SLC4A1AP: variants seen among roughly 807,000 people sequenced by gnomAD.
SLC4A1AP encodes the protein kanadaptin.
In SLC4A1AP, 64 loss-of-function variants were observed where a neutral mutation model predicts 89.7. The ratio of observed to expected loss-of-function variants is 0.71; its 90% confidence interval spans 0.58 to 0.88. SLC4A1AP has a LOEUF of 0.88. Ranked by LOEUF, SLC4A1AP falls within the 40% of genes least tolerant of loss-of-function variation. SLC4A1AP has a pLI of 0.00. For missense variants in SLC4A1AP, 931 were observed against 965.0 expected, an observed-to-expected ratio of 0.96 and a Z score of 0.47; for synonymous variants, 366 against 353.3, an observed-to-expected ratio of 1.04 and a Z score of -0.40.
intron 4 of SLC4A1AP, 61 bp downstream of exon 4, chr2:27,668,964 T>C (rs1265686003): frequency 4.1e-6 from 6 of 1,451,574 alleles, no homozygotes; most frequent in Non-Finnish European, 9.6e-7. Flanking sequence ...GTTTAATGTA[T>C]GGTTATAGAT....
At chr2:27,676,226 A>G (rs894442424) in intron 6 of SLC4A1AP, among the ~76,000 whole-genome samples, 2 of 152,244 alleles carry the variant, frequency 1.3e-5, no homozygotes, top group Admixed American at 1.3e-4. Context: ...AATATGGAGA[A>G]GTAGACTCTC....
At chr2:27,665,503 T>A (rs535560689) in intron 2 of SLC4A1AP, among the ~76,000 whole-genome samples, 4 of 152,326 alleles carry the variant, frequency 2.6e-5, no homozygotes, top group Admixed American at 1.3e-4. Context: ...TTGGATTTTT[T>A]AAAAATTTAT....
intron 10 of SLC4A1AP, among the ~76,000 whole-genome samples, chr2:27,686,129 G>A (rs1675702038): frequency 6.6e-6 from 1 of 152,164 alleles, no homozygotes. Context: ...GAATGTATGG[G>A]AATGCATGCA....
chr2:27,683,223 T>C (rs1675648634), intron 9 of SLC4A1AP, among the ~76,000 whole-genome samples: 1 of 152,236 alleles, frequency 6.6e-6, no homozygotes, highest in South Asian at 2.1e-4. Flanking sequence ...ATGATTTCCC[T>C]GCTACCCTAC....
intron 10 of SLC4A1AP, among the ~76,000 whole-genome samples, chr2:27,685,958 C>A (rs1264699044): frequency 6.6e-6 from 1 of 152,078 alleles, no homozygotes; most frequent in Non-Finnish European, 1.5e-5. Flanking sequence ...AAAAAGAAAT[C>A]CCCACAACCC....
intron 6 of SLC4A1AP, among the ~76,000 whole-genome samples, chr2:27,676,379 A>T (rs1413725254): frequency 6.6e-6 from 1 of 152,352 alleles, no homozygotes; most frequent in Admixed American, 6.5e-5. Flanking sequence ...AGCTTAAAAC[A>T]TTACCCAACA....
intron 10 of SLC4A1AP, 78 bp from the exon 11 acceptor site, chr2:27,687,856 C>T (rs1326471449): frequency 3.7e-6 from 4 of 1,076,796 alleles, no homozygotes; most frequent in East Asian, 5.1e-5. Flanking sequence ...TTCTCTTTCT[C>T]TTGTTTTTGT....
chr2:27,664,391 G>A (rs765677959), exon 1 of SLC4A1AP: 1 of 1,614,240 alleles, frequency 6.2e-7, no homozygotes, highest in Non-Finnish European at 8.5e-7. Flanking sequence ...ACGCAGTGCT[G>A]CAGCACAGGG....
intron 3 of SLC4A1AP, 97 bp from the exon 4 acceptor site, chr2:27,668,746 A>G: frequency 8.7e-7 from 1 of 1,154,424 alleles, no homozygotes; most frequent in Non-Finnish European, 1.3e-6. Flanking sequence ...CACTGCTAGG[A>G]ACTTGTTCGT....
chr2:27,667,212 T>C, intron 2 of SLC4A1AP, 56 bp from the exon 3 acceptor site: 1 of 1,559,950 alleles, frequency 6.4e-7, no homozygotes, highest in Admixed American at 1.9e-5. Flanking sequence ...TGGGTATCAT[T>C]CAAATAGTCT....
At chr2:27,680,119 C>T (rs970551252) in intron 8 of SLC4A1AP, among the ~76,000 whole-genome samples, 2 of 152,100 alleles carry the variant, frequency 1.3e-5, no homozygotes, top group Non-Finnish European at 2.9e-5. Context: ...CCTTTAGCAG[C>T]CGATGTCTGC....
intron 6 of SLC4A1AP, 55 bp downstream of exon 6, chr2:27,675,747 CATA>C: frequency 8.6e-7 from 1 of 1,156,480 alleles, no homozygotes. Flanking sequence ...TTTTTAATAA[CATA>C]ATGTATTATT....
rs796261301 is a variant in SLC4A1AP at position 27,677,989 on chromosome 2, C to T, written c.1763+65C>T. On this transcript the variant is annotated intron_variant, in intron 8 of 13. Coordinates refer to ENST00000613058, the Ensembl canonical transcript of SLC4A1AP. Reference sequence around the variant, plus strand: ...TAGCATAGATAACATTTTCAATTATCGCTTTATCTTCTTAAATAATCATTA... The same window carrying T: ...TAGCATAGATAACATTTTCAATTATTGCTTTATCTTCTTAAATAATCATTA... The T allele has an allele frequency of 2.4e-5, 25 of 1,046,238 alleles. No individual in the cohort carries two copies. The East Asian group carries it at 2.9e-4, about 12-fold the overall frequency. 64.8% of individuals were successfully genotyped at this position (1,046,238 alleles called of 1,614,324 possible). A position where few individuals can be genotyped will look rare whatever the true frequency, so the allele number is the denominator to read the frequency against.
chr2:27,689,914 G>A (rs946191387), intron 12 of SLC4A1AP, among the ~76,000 whole-genome samples: 2 of 152,116 alleles, frequency 1.3e-5, no homozygotes, highest in African/African-American at 4.8e-5. Context: ...CCTCTATGGG[G>A]GCTGTACCAT....
exon 6 of SLC4A1AP, chr2:27,675,674 A>G: frequency 6.3e-7 from 1 of 1,586,802 alleles, no homozygotes; most frequent in South Asian, 1.2e-5. Flanking sequence ...ATGAGAAGCC[A>G]GAGACCTTTG....
intron 8 of SLC4A1AP, among the ~76,000 whole-genome samples, chr2:27,679,741 G>A (rs1195570730): frequency 6.6e-6 from 1 of 152,140 alleles, no homozygotes; most frequent in Admixed American, 6.5e-5. Context: ...TGTATAACAG[G>A]CGCTGTCTGT....
chr2:27,675,590 T>C lies in SLC4A1AP; in HGVS notation c.1404T>C (p.Asp468=), dbSNP rs1423025410. The change falls in exon 6 of 14, where the codon GAT becomes GAC. Residue 468 remains aspartate, a synonymous_variant. Coordinates refer to ENST00000613058, the Ensembl canonical transcript of SLC4A1AP. ...ATGAAGACTTTTATGATAGTGATGA[T>C]GACACATTTCTTGATAGGACTGGCC... 6 of 1,610,532 alleles carry C rather than the reference T, an allele frequency of 3.7e-6. No individual in the cohort carries two copies. The African/African-American group carries it at 6.7e-5, about 18-fold the overall frequency.
chr2:27,693,498 A>G (rs1045275438), intron 12 of SLC4A1AP, 187 bp from the exon 13 acceptor site: 33 of 566,032 alleles, frequency 5.8e-5, no homozygotes, highest in African/African-American at 5.2e-4. Context: ...TTCCCTCAGC[A>G]TGTGCTTGTC....
At chr2:27,686,628 C>T (rs889175710) in intron 10 of SLC4A1AP, among the ~76,000 whole-genome samples, 8 of 151,970 alleles carry the variant, frequency 5.3e-5, no homozygotes, top group African/African-American at 1.5e-4. Flanking sequence ...ATTAGTTGGG[C>T]GTGATGGTGC....
Sources: gnomAD v4.1 joint callset for allele counts (sites outside exome capture counted in the v4.1 genomes callset) on GRCh38, gnomAD v4.1.1 for gene constraint, MANE v1.5 for transcripts, NCBI Gene and HGNC (gene_info 2026-07-23, HGNC 2026-07-21) for gene names.